Variants in PTPRN2 observed in about 807,000 individuals in gnomAD.
The protein encoded by PTPRN2 is protein tyrosine phosphatase receptor type N2.
In PTPRN2, 74 loss-of-function variants were observed where a neutral mutation model predicts 118.8. That is an observed-to-expected ratio of 0.62 (90% CI 0.52 to 0.76). The LOEUF is 0.76. Among genes scored for constraint, PTPRN2 ranks in the 30% least tolerant of loss-of-function variants. The pLI is 0.00. For synonymous variants in PTPRN2, 641 were observed against 608.0 expected, an observed-to-expected ratio of 1.05 and a Z score of -0.80; for missense variants, 1,481 against 1,394.4, an observed-to-expected ratio of 1.06 and a Z score of -0.99.
intron 11 of PTPRN2, among the ~76,000 whole-genome samples, chr7:158,025,741 C>A (rs577232261): frequency 6.6e-6 from 1 of 152,156 alleles, no homozygotes; most frequent in East Asian, 1.9e-4. Context: ...AAAAAGGATT[C>A]GCTGTGTGGT....
chr7:158,382,083 C>T (rs1408318617), intron 2 of PTPRN2, among the ~76,000 whole-genome samples: 3 of 152,182 alleles, frequency 2.0e-5, no homozygotes, highest in Non-Finnish European at 2.9e-5. Flanking sequence ...GTTACATTGT[C>T]TCACCAGAGC....
chr7:157,983,447 T>C (rs1803469331), intron 11 of PTPRN2, among the ~76,000 whole-genome samples: 2 of 150,182 alleles, frequency 1.3e-5, no homozygotes, highest in African/African-American at 2.5e-5. Flanking sequence ...GAATGCAGAG[T>C]GCGGGGTCTC....
chr7:157,763,820 C>T lies in PTPRN2; in HGVS notation c.1789-80883G>A, dbSNP rs1483201356. On this transcript the variant is annotated intron_variant, in intron 12 of 22. Transcript: ENST00000389418. The surrounding 1 kb of genome is among the most constrained non-coding windows in gnomAD (Gnocchi z 4.9). ...CCGGGCAGGGTTAGGGGCTGCTGGGCCTCTGCTGTGTGGCCACTGCCCCAT... is the reference window on the plus strand; with the variant it reads ...CCGGGCAGGGTTAGGGGCTGCTGGGTCTCTGCTGTGTGGCCACTGCCCCAT... 6.6e-6 allele frequency among the ~76,000 whole-genome samples: 1 copy of T among 152,086 alleles called. No homozygotes were observed. Among genetic ancestry groups the T allele is most frequent in the African/African-American group, 2.4e-5 (1 of 41,420 alleles).
At chr7:157,901,000 A>C (rs1210538266) in intron 11 of PTPRN2, among the ~76,000 whole-genome samples, 2 of 152,224 alleles carry the variant, frequency 1.3e-5, no homozygotes, top group East Asian at 3.8e-4. Context: ...AGGCTGCACA[A>C]GAAGCATGGC....
At chr7:158,278,807 T>TAA (rs1799214579) in intron 3 of PTPRN2, among the ~76,000 whole-genome samples, 1 of 152,030 alleles carries the variant, frequency 6.6e-6, no homozygotes, top group African/African-American at 2.4e-5. Flanking sequence ...TCACAGCTCA[T>TAA]AAACACAGCG....
At chr7:157,975,335 C>G (rs1280764270) in intron 11 of PTPRN2, among the ~76,000 whole-genome samples, 1 of 152,172 alleles carries the variant, frequency 6.6e-6, no homozygotes, top group Non-Finnish European at 1.5e-5. Context: ...CGGATAAGGA[C>G]TGGATGCCAG....
chr7:157,713,905 C>T (rs147903899), intron 12 of PTPRN2, among the ~76,000 whole-genome samples: 23 of 152,306 alleles, frequency 1.5e-4, no homozygotes, highest in Admixed American at 9.8e-4. Context: ...GAGCACGCCT[C>T]GCTCCCCTTC....
intron 9 of PTPRN2, among the ~76,000 whole-genome samples, chr7:158,127,312 G>A (rs930382407): frequency 3.3e-5 from 5 of 150,708 alleles, no homozygotes; most frequent in Non-Finnish European, 7.4e-5. Flanking sequence ...CGTGCACCCT[G>A]CGTCCTCCTC....
intron 12 of PTPRN2, among the ~76,000 whole-genome samples, chr7:157,684,761 C>A (rs1367677584): frequency 1.3e-5 from 2 of 151,890 alleles, no homozygotes; most frequent in African/African-American, 4.8e-5. Context: ...CCTAAGGCGC[C>A]GGCCACGCGC....
intron 2 of PTPRN2, among the ~76,000 whole-genome samples, chr7:158,476,770 G>A (rs746096681): frequency 4.6e-5 from 7 of 152,244 alleles, no homozygotes; most frequent in Non-Finnish European, 1.0e-4. Context: ...GAAGAGACGC[G>A]AGAACGTCAA....
chr7:157,559,976 A>AGGGCCTGGAT (rs760062621), intron 21 of PTPRN2, among the ~76,000 whole-genome samples: 5 of 152,032 alleles, frequency 3.3e-5, no homozygotes, highest in Non-Finnish European at 5.9e-5. Flanking sequence ...GAGGGAGGGG[A>AGGGCCTGGAT]GGGCCTGGAT....
intron 10 of PTPRN2, among the ~76,000 whole-genome samples, chr7:158,108,524 C>A (rs1442602630): frequency 6.6e-6 from 1 of 152,180 alleles, no homozygotes; most frequent in Non-Finnish European, 1.5e-5. Flanking sequence ...TATGGAGCCC[C>A]CTGTCCCTCC....
intron 12 of PTPRN2, among the ~76,000 whole-genome samples, chr7:157,731,348 G>A (rs1022052229): frequency 6.6e-5 from 10 of 152,162 alleles, no homozygotes; most frequent in African/African-American, 4.8e-5. Context: ...TGAACTCTGC[G>A]GTGACTAGAA....
intron 14 of PTPRN2, among the ~76,000 whole-genome samples, chr7:157,635,514 T>C (rs1190025781): frequency 6.6e-6 from 1 of 152,276 alleles, no homozygotes; most frequent in African/African-American, 2.4e-5. Flanking sequence ...ATATTTGTCA[T>C]TCACCATCTA....
rs369468629 is a variant in PTPRN2 at position 158,330,720 on chromosome 7, C to T, written c.164-13788G>A. 1.5e-3 allele frequency among the ~76,000 whole-genome samples: 86 copies of T among 56,906 alleles called. 1 individual carries two copies. Among genetic ancestry groups the T allele is most frequent in the African/African-American group, 3.6e-3 (75 of 20,798 alleles). 37.3% of individuals were successfully genotyped at this position (56,906 alleles called of 152,430 possible). On this transcript the variant is annotated intron_variant, in intron 2 of 22. Transcript: ENST00000389418. ...ACATCCATACTCTCACCATAAGAGC[C>T]GACACGTGCAGACGTCACTCACACC...
At chr7:158,107,203 C>T (rs1444241522) in intron 10 of PTPRN2, among the ~76,000 whole-genome samples, 1 of 152,092 alleles carries the variant, frequency 6.6e-6, no homozygotes, top group South Asian at 2.1e-4. Context: ...GTCCACTGTA[C>T]ATTAAGGTTA....
At chr7:157,680,085 A>T (rs556470662) in intron 13 of PTPRN2, among the ~76,000 whole-genome samples, 100 of 152,200 alleles carry the variant, frequency 6.6e-4, no homozygotes, top group Non-Finnish European at 1.2e-3. Flanking sequence ...ATTGCCACCT[A>T]CCATTCTCTC....
At chr7:158,461,914 A>G (rs1819023218) in intron 2 of PTPRN2, among the ~76,000 whole-genome samples, 1 of 152,280 alleles carries the variant, frequency 6.6e-6, no homozygotes, top group Admixed American at 6.5e-5. Flanking sequence ...CATATTTGTG[A>G]CTTCCAAGGA....
chr7:158,283,344 C>T (rs1302394615), intron 3 of PTPRN2, among the ~76,000 whole-genome samples: 3 of 152,194 alleles, frequency 2.0e-5, no homozygotes, highest in African/African-American at 2.4e-5. Flanking sequence ...GAGCAGGCCC[C>T]GTCTGCAGTT....
Sources: allele counts gnomAD v4.1 joint callset (sites outside exome capture counted in the v4.1 genomes callset), GRCh38; gene constraint gnomAD v4.1.1; non-coding constraint Gnocchi (gnomAD v3.1); transcripts MANE v1.5; gene names NCBI Gene and HGNC (gene_info 2026-07-23, HGNC 2026-07-21).